The following ACSL4 variants were observed in gnomAD, a reference collection of about 807,000 sequenced individuals.
ACSL4 encodes acyl-CoA synthetase long chain family member 4.
A neutral mutation model predicts 49.1 loss-of-function variants in ACSL4; 9 were observed. The observed-to-expected ratio is 0.18, with a 90% CI of 0.11 to 0.32. ACSL4 has a LOEUF of 0.32. ACSL4 is among the 10% of genes least tolerant of loss of function. The probability of loss-of-function intolerance (pLI) is 1.00; values close to 1 mark genes in which losing one functional copy is unlikely to be tolerated. For missense variants in ACSL4, 333 were observed against 493.7 expected, an observed-to-expected ratio of 0.67 and a Z score of 3.08; for synonymous variants, 191 against 170.3, an observed-to-expected ratio of 1.12 and a Z score of -0.95.
chrX:109,663,766 A>G (rs1407832668), intron 12 of ACSL4, among the ~76,000 whole-genome samples: 3 of 111,315 alleles, frequency 2.7e-5, no homozygotes, highest in Non-Finnish European at 5.7e-5. Context: ...TACTGATATC[A>G]ATGCATTTCA....
chrX:109,656,689 A>C (rs1343300175), intron 15 of ACSL4, among the ~76,000 whole-genome samples: 1 of 110,660 alleles, frequency 9.0e-6, no homozygotes, highest in African/African-American at 3.3e-5. Flanking sequence ...GCAAGTCCTT[A>C]ATACTGACAT....
At position 109,733,213 on chromosome X, in the gene ACSL4, T is replaced by C. The variant is rs1419659574; in HGVS notation, c.-140A>G. On this transcript the variant is annotated 5_prime_UTR_variant, in exon 1 of 16. Transcript: ENST00000672401. ...GGAAAGCTCGCAAAAAGGAACCGCG[T>C]GCCCGCTAGCGCTGGGACGAGGAGG... The C allele has an allele frequency of 3.1e-6, 1 of 327,400 alleles. No homozygotes were observed. The highest frequency in any genetic ancestry group is 3.1e-5 in the Admixed American group (1 of 32,149). 27.0% of individuals were successfully genotyped at this position (327,400 alleles called of 1,213,427 possible).
chrX:109,661,651 A>C lies in ACSL4; in HGVS notation c.1583-6T>G. On this transcript the variant is annotated splice_polypyrimidine_tract_variant and splice_region_variant and intron_variant, in intron 13 of 15. Coordinates refer to ENST00000672401, the MANE Select transcript of ACSL4 (RefSeq NM_001318510.2). ...CACTAGATCTTTCTTACGATCTGTT[A>C]AGTCATAAAGAATGTTAAGTCTGTT... is the stretch of plus-strand genomic sequence containing the variant. The C allele has an allele frequency of 8.9e-7, 1 of 1,124,920 alleles. No homozygotes were observed. Among genetic ancestry groups the C allele is most frequent in the Non-Finnish European group, 1.2e-6 (1 of 816,999 alleles). 92.7% of individuals were successfully genotyped at this position (1,124,920 alleles called of 1,213,427 possible).
Position 109,709,730 on chromosome X carries a change from T to C in ACSL4, c.-65-13534A>G, listed in dbSNP as rs189693775. 3.0e-3 allele frequency among the ~76,000 whole-genome samples: 336 copies of C among 112,842 alleles called. 1 individual carries two copies. Among genetic ancestry groups the C allele is most frequent in the Non-Finnish European group, 4.5e-3 (241 of 53,396 alleles). On this transcript the variant is annotated intron_variant, in intron 1 of 15. Transcript: ENST00000672401. ...ACTCCAAAGTAGAGGGAAATCTCTC[T>C]GTCACTGATGGTTCGCTAAACTGGG...
intron 1 of ACSL4, among the ~76,000 whole-genome samples, chrX:109,719,201 AATGCAATC>A (rs1318533306): frequency 2.7e-5 from 3 of 112,213 alleles, no homozygotes; most frequent in Non-Finnish European, 5.6e-5. Flanking sequence ...AAATGTTATC[AATGCAATC>A]ATAGGCCAAT....
rs772663981 is a variant in ACSL4, at chrX:109,659,551, GA to G, written c.1698-41del. On this transcript the variant is annotated intron_variant, in intron 14 of 15. Coordinates refer to ENST00000672401, the MANE Select transcript of ACSL4 (RefSeq NM_001318510.2). ...AATAAAATAGAAATGAAAACATTGA[GA>G]AAAGTTATTCATAAACTAGTCAATG... is the stretch of plus-strand genomic sequence containing the variant. The G allele has an allele frequency of 9.2e-6, 9 of 980,876 alleles. No individual in the cohort carries two copies. The Admixed American group carries it at 2.0e-4, about 22-fold the overall frequency. The allele number at this position is 980,876 out of a possible 1,213,427, so 80.8% of individuals were successfully genotyped here. A position where few individuals can be genotyped will look rare whatever the true frequency, so the allele number is the denominator to read the frequency against.
Position 109,683,232 on chromosome X carries a change from A to T in ACSL4, c.132T>A (p.His44Gln). The T allele has an allele frequency of 1.7e-6, 2 of 1,211,889 alleles. No homozygotes were observed. The highest frequency in any genetic ancestry group is 2.2e-6 in the Non-Finnish European group (2 of 895,451). The change falls in exon 3 of 16, where the codon CAT (histidine) becomes CAA (glutamine). Residue 44 changes from histidine (H) to glutamine (Q), a missense_variant. Physicochemically the swap from His to Gln is conservative, Grantham distance 24. Transcript: ENST00000672401. Reference sequence around the variant, plus strand: ...CCTTCTTCCCAAACTTGGATACAGCATGGTCAAATAATTTATCCAGAGTAT... The same window carrying T: ...CCTTCTTCCCAAACTTGGATACAGCTTGGTCAAATAATTTATCCAGAGTAT... ...GADTLDKLFD[H>Q]AVSKFGKKDS...
intron 2 of ACSL4, among the ~76,000 whole-genome samples, chrX:109,693,114 A>AG (rs1233845856): frequency 9.0e-6 from 1 of 111,730 alleles, no homozygotes; most frequent in Non-Finnish European, 1.9e-5. Flanking sequence ...CCAGCTTAAT[A>AG]GGTTAGTTTG....
At chrX:109,702,443 T>A (rs949607958) in intron 1 of ACSL4, among the ~76,000 whole-genome samples, 1 of 112,096 alleles carries the variant, frequency 8.9e-6, no homozygotes, top group Non-Finnish European at 1.9e-5. Context: ...CTTATGCTAG[T>A]GATTCTAGAG....
At chrX:109,688,473 T>C (rs946945797) in intron 2 of ACSL4, among the ~76,000 whole-genome samples, 1 of 112,068 alleles carries the variant, frequency 8.9e-6, no homozygotes, top group African/African-American at 3.2e-5. Flanking sequence ...TTCCCTCCTT[T>C]GCATCTTCTT....
intron 8 of ACSL4, among the ~76,000 whole-genome samples, chrX:109,675,092 T>C (rs1379985739): frequency 8.9e-6 from 1 of 112,369 alleles, no homozygotes; most frequent in Non-Finnish European, 1.9e-5. Flanking sequence ...ATAAAATAAC[T>C]CATTTTACAT....
intron 10 of ACSL4, 133 bp from the exon 11 acceptor site, chrX:109,668,406 G>A: frequency 3.9e-6 from 2 of 518,935 alleles, no homozygotes; most frequent in Non-Finnish European, 2.9e-6. Context: ...GAGAATGAGA[G>A]GTTAACAAGG....
Position 109,643,134 on chromosome X carries a change from C to A in ACSL4, c.*895G>T, listed in dbSNP as rs1204796248. On this transcript the variant is annotated 3_prime_UTR_variant, in exon 16 of 16. Transcript: ENST00000672401. ...TTAAATCTCTTTCCCAGGTTCAGTGCTGTGCAAGGGTTCTAATTCCAAATA... is the reference window on the plus strand; with the variant it reads ...TTAAATCTCTTTCCCAGGTTCAGTGATGTGCAAGGGTTCTAATTCCAAATA... 1.8e-5 allele frequency: 2 copies of A among 111,801 alleles called. No homozygotes were observed. The highest frequency in any genetic ancestry group is 3.8e-5 in the Non-Finnish European group (2 of 52,992). The allele number at this position is 111,801 out of a possible 1,213,427, so 9.2% of individuals were successfully genotyped here.
chrX:109,657,928 C>T (rs995011531), intron 15 of ACSL4, among the ~76,000 whole-genome samples: 1 of 111,512 alleles, frequency 9.0e-6, no homozygotes, highest in Non-Finnish European at 1.9e-5. Context: ...TGTGAGATGG[C>T]ATCTCATTGT....
chrX:109,719,723 C>T (rs1011283035), intron 1 of ACSL4, among the ~76,000 whole-genome samples: 8 of 111,709 alleles, frequency 7.2e-5, no homozygotes, highest in Non-Finnish European at 1.5e-4. Flanking sequence ...TGGTGGCTCA[C>T]GCCTGTAATC....
intron 15 of ACSL4, among the ~76,000 whole-genome samples, chrX:109,655,244 A>G (rs1196106766): frequency 9.0e-6 from 1 of 111,591 alleles, no homozygotes; most frequent in Non-Finnish European, 1.9e-5. Context: ...AAAAGAGACA[A>G]TAACAGGAGA....
intron 15 of ACSL4, among the ~76,000 whole-genome samples, chrX:109,646,195 G>C (rs1201272606): frequency 9.0e-6 from 1 of 110,914 alleles, no homozygotes; most frequent in East Asian, 2.8e-4. Context: ...TCCTCGAGAA[G>C]AGCAACTCCA....
chrX:109,677,428 C>T (rs1198598328), intron 8 of ACSL4, among the ~76,000 whole-genome samples: 2 of 111,089 alleles, frequency 1.8e-5, no homozygotes, highest in Non-Finnish European at 3.8e-5. Context: ...TATTCTCTAT[C>T]GTAGTTCTCA....
chrX:109,733,031 C>T (rs1388683230), intron 1 of ACSL4, 108 bp downstream of exon 1: 3 of 329,131 alleles, frequency 9.1e-6, no homozygotes, highest in Non-Finnish European at 1.8e-5. Context: ...CCCACCCAAC[C>T]TCCTCCCGGC....
Sources: allele counts gnomAD v4.1 joint callset (sites outside exome capture counted in the v4.1 genomes callset), GRCh38; gene constraint gnomAD v4.1.1; transcripts MANE v1.5; gene names NCBI Gene and HGNC (gene_info 2026-07-23, HGNC 2026-07-21).